Variants in PVT1 observed in about 807,000 individuals in gnomAD.
The protein encoded by PVT1 is CXCR4/PVT1 fusion.
intron 6 of PVT1, among the ~76,000 whole-genome samples, chr8:128,096,927 C>G (rs2648903): frequency 0.2 from 31,104 of 152,164 alleles, 3,541 homozygotes; most frequent in East Asian, 0.4. Context: ...TCCACCCCAC[C>G]CAGGCCCCCA....
intron 4 of PVT1, among the ~76,000 whole-genome samples, chr8:128,021,182 G>A (rs1177671543): frequency 2.6e-5 from 4 of 151,870 alleles, no homozygotes; most frequent in Admixed American, 2.0e-4. Flanking sequence ...GACATCCTGT[G>A]GGCTTCCTGT....
intron 2 of PVT1, among the ~76,000 whole-genome samples, chr8:127,874,081 G>A (rs1208434411): frequency 6.6e-6 from 1 of 152,232 alleles, no homozygotes; most frequent in Non-Finnish European, 1.5e-5. Context: ...AAAGCTCAGG[G>A]CAGCTCAATT....
At chr8:128,081,642 T>C (rs1219550142) in intron 5 of PVT1, among the ~76,000 whole-genome samples, 1 of 152,152 alleles carries the variant, frequency 6.6e-6, no homozygotes, top group Non-Finnish European at 1.5e-5. Flanking sequence ...GCTTTCTGAG[T>C]GTGAGATCCA....
intron 3 of PVT1, among the ~76,000 whole-genome samples, chr8:127,969,643 T>C (rs1286924566): frequency 1.3e-5 from 2 of 152,194 alleles, no homozygotes; most frequent in African/African-American, 4.8e-5. Flanking sequence ...GAGTACTCAC[T>C]GTGTTCCAGG....
At chr8:127,868,524 G>A (rs755389884) in intron 2 of PVT1, among the ~76,000 whole-genome samples, 14 of 151,532 alleles carry the variant, frequency 9.2e-5, no homozygotes, top group Non-Finnish European at 1.9e-4. Flanking sequence ...AGTAGCTGGG[G>A]TTACGGGTGC....
At chr8:128,069,924 C>T (rs914131795) in intron 4 of PVT1, among the ~76,000 whole-genome samples, 2 of 152,150 alleles carry the variant, frequency 1.3e-5, no homozygotes, top group African/African-American at 2.4e-5. Context: ...CCCCCAGCCA[C>T]TTGCCTCCTC....
chr8:127,806,153 T>C (rs1814524124), intron 2 of PVT1, among the ~76,000 whole-genome samples: 1 of 152,092 alleles, frequency 6.6e-6, no homozygotes, highest in Admixed American at 6.6e-5. Flanking sequence ...GATAGGACCA[T>C]GCAGTGCTCA....
chr8:127,824,565 TAA>T (rs1814766578), intron 2 of PVT1, among the ~76,000 whole-genome samples: 1 of 152,368 alleles, frequency 6.6e-6, no homozygotes, highest in East Asian at 1.9e-4. Context: ...TGGGAAATGT[TAA>T]GAGTATAAGG....
intron 2 of PVT1, among the ~76,000 whole-genome samples, chr8:127,823,108 A>C (rs1463105700): frequency 1.3e-5 from 2 of 152,216 alleles, no homozygotes; most frequent in Non-Finnish European, 2.9e-5. Context: ...CTTTATATTG[A>C]AAGTGGCACG....
chr8:128,085,988 C>T (rs546505481), intron 5 of PVT1, among the ~76,000 whole-genome samples: 5 of 152,282 alleles, frequency 3.3e-5, no homozygotes, highest in African/African-American at 7.2e-5. Context: ...GTGGTCCAGA[C>T]AAAAAGTGCC....
rs184037009 is a variant in PVT1 at position 127,844,380 on chromosome 8, G to A, written n.373-46209G>A. 6.7e-4 allele frequency among the ~76,000 whole-genome samples: 102 copies of A among 152,278 alleles called. 1 individual carries two copies. The highest frequency in any genetic ancestry group is 2.3e-3 in the African/African-American group (96 of 41,552). ...CAAGACCACCTTTATTTGTGCATCC[G>A]TGCTCTTGGGTGGGTATGTTTCACA... is the stretch of plus-strand genomic sequence containing the variant. On this transcript the variant is annotated intron_variant and non_coding_transcript_variant, in intron 2 of 10. Coordinates refer to ENST00000651587, the Ensembl canonical transcript of PVT1.
intron 4 of PVT1, among the ~76,000 whole-genome samples, chr8:128,056,007 A>G (rs924125125): frequency 6.6e-6 from 1 of 152,244 alleles, no homozygotes; most frequent in African/African-American, 2.4e-5. Flanking sequence ...TACTGGACAC[A>G]GTCCACCCCA....
intron 4 of PVT1, among the ~76,000 whole-genome samples, chr8:127,993,460 G>A (rs1311203288): frequency 6.6e-6 from 1 of 152,248 alleles, no homozygotes; most frequent in African/African-American, 2.4e-5. Context: ...TTATGGTTTT[G>A]AGGAAAGGCT....
intron 4 of PVT1, among the ~76,000 whole-genome samples, chr8:128,037,013 G>T (rs1388078778): frequency 6.6e-6 from 1 of 152,176 alleles, no homozygotes; most frequent in African/African-American, 2.4e-5. Flanking sequence ...ACTTGCTGTT[G>T]AGATTCTCAC....
intron 4 of PVT1, chr8:128,048,436 A>G (rs1405601031): frequency 1.3e-5 from 2 of 152,200 alleles, no homozygotes; most frequent in Non-Finnish European, 2.9e-5. Context: ...AGGCTTTCTC[A>G]TTATCCTTTA....
chr8:127,818,819 A>G (rs1814696220), intron 2 of PVT1, among the ~76,000 whole-genome samples: 2 of 152,130 alleles, frequency 1.3e-5, no homozygotes, highest in Admixed American at 1.3e-4. Flanking sequence ...ACGTGCATGT[A>G]GAGCTTTCCC....
intron 5 of PVT1, among the ~76,000 whole-genome samples, chr8:128,087,973 G>A (rs1814280503): frequency 6.6e-6 from 1 of 151,990 alleles, no homozygotes; most frequent in South Asian, 2.1e-4. Context: ...TGTCCAGGCT[G>A]GTCTCAAACT....
intron 2 of PVT1, among the ~76,000 whole-genome samples, chr8:127,863,875 G>C (rs557633642): frequency 6.6e-6 from 1 of 152,136 alleles, no homozygotes; most frequent in Non-Finnish European, 1.5e-5. Flanking sequence ...GCTTTGCTTT[G>C]GTGCCTGGAT....
intron 4 of PVT1, among the ~76,000 whole-genome samples, chr8:128,058,282 T>C (rs1813785900): frequency 6.6e-6 from 1 of 152,214 alleles, no homozygotes; most frequent in South Asian, 2.1e-4. Flanking sequence ...ACATCAGTTT[T>C]ATTTCACGTC....
Sources: gnomAD v4.1 joint callset for allele counts (sites outside exome capture counted in the v4.1 genomes callset) on GRCh38, gnomAD v4.1.1 for gene constraint, MANE v1.5 for transcripts, NCBI Gene and HGNC (gene_info 2026-07-23, HGNC 2026-07-21) for gene names.